Variants in STKLD1 observed in about 807,000 individuals in gnomAD.
STKLD1 encodes the protein serine/threonine kinase-like domain-containing protein STKLD1.
Under a neutral mutation model 80.4 loss-of-function variants are expected in STKLD1, and 79 were observed. The ratio of observed to expected loss-of-function variants is 0.98; its 90% CI spans 0.82 to 1.19. STKLD1 has a LOEUF of 1.19. STKLD1 is among the 50% of genes most tolerant of loss of function. The pLI, the probability that STKLD1 is intolerant of heterozygous loss-of-function variation, is 0.00. For synonymous variants in STKLD1, 393 were observed against 357.6 expected (o/e 1.10, Z -1.12); for missense variants, 841 against 856.0 (o/e 0.98, Z 0.22).
chr9:133,380,235 C>T (rs111403912), intron 2 of STKLD1, among the ~76,000 whole-genome samples: 89 of 152,204 alleles, frequency 5.8e-4, no homozygotes, highest in South Asian at 5.2e-3. Context: ...AGGGTTTCAC[C>T]GTGTTGCCCA....
Position 133,405,693 on chromosome 9 carries a change from G to A in STKLD1, c.*272G>A. On this transcript the variant is annotated 3_prime_UTR_variant, in exon 18 of 18. Transcript: ENST00000371957. ...GCGCGGAAAAAGTGCTCTTGAGGCT[G>A]GAGGCAGCCACCTCTCCCAGCCCAC... 3.2e-6 allele frequency: 1 copy of A among 311,790 alleles called. No homozygotes were observed. Among genetic ancestry groups the A allele is most frequent in the South Asian group, 5.4e-5 (1 of 18,440 alleles). The allele number at this position is 311,790 out of a possible 1,614,324, so 19.3% of individuals were successfully genotyped here.
intron 12 of STKLD1, among the ~76,000 whole-genome samples, chr9:133,401,250 T>C (rs1838699090): frequency 6.6e-6 from 1 of 151,704 alleles, no homozygotes; most frequent in Admixed American, 6.6e-5. Flanking sequence ...GCGATTCTCC[T>C]GCCTCAGCCT....
chr9:133,402,864 T>C lies in STKLD1; in HGVS notation c.1340-14T>C, dbSNP rs370724020. The C allele has an allele frequency of 6.3e-7, 1 of 1,594,204 alleles. No individual in the cohort carries two copies. The highest frequency in any genetic ancestry group is 8.5e-7 in the Non-Finnish European group (1 of 1,170,216). On this transcript the variant is annotated splice_polypyrimidine_tract_variant and intron_variant, in intron 13 of 17. Coordinates refer to ENST00000371957, the MANE Select transcript of STKLD1 (RefSeq NM_153710.5). ...GGGAGGGGCCCTGGGGCCCTCATTC[T>C]GGCTCACCCACAGAGTCAGAGTCAC...
chr9:133,383,822 T>C (rs2130271028), intron 2 of STKLD1, 34 bp from the exon 3 acceptor site: 1 of 1,610,874 alleles, frequency 6.2e-7, no homozygotes, highest in Non-Finnish European at 8.5e-7. Flanking sequence ...ATTTGCTACA[T>C]GTTTATTAAG....
chr9:133,404,325 C>T (rs1210638589), intron 16 of STKLD1, among the ~76,000 whole-genome samples: 1 of 152,200 alleles, frequency 6.6e-6, no homozygotes, highest in African/African-American at 2.4e-5. Context: ...CATGCAGGCA[C>T]ACCGTGACTG....
At position 133,400,453 on chromosome 9, in the gene STKLD1, G is replaced by C; in HGVS notation, c.1122G>C (p.Thr374=). 1 of 1,613,358 alleles carries C rather than the reference G, an allele frequency of 6.2e-7. No individual in the cohort carries two copies. The change falls in exon 12 of 18, where the codon ACG becomes ACC. Residue 374 remains threonine (T), a synonymous_variant. Coordinates refer to ENST00000371957, the MANE Select transcript of STKLD1 (RefSeq NM_153710.5). ...CGGAGCTGGTGGAGGTGGTGGTCAC[G>C]ACCATGGAGCTACATGACAGGGTCC... The part of the protein sequence containing the change: ...WPPELVEVVV[T]TMELHDRVLD...
intron 7 of STKLD1, among the ~76,000 whole-genome samples, chr9:133,392,327 A>G (rs978317865): frequency 6.6e-6 from 1 of 151,930 alleles, no homozygotes; most frequent in Non-Finnish European, 1.5e-5. Flanking sequence ...TTGGCCTCCC[A>G]AAGTGCTGGG....
intron 1 of STKLD1, 117 bp downstream of exon 1, chr9:133,376,677 C>CG (rs1837968334): frequency 2.3e-6 from 2 of 857,020 alleles, no homozygotes; most frequent in Non-Finnish European, 3.5e-6. Flanking sequence ...TGGCCAGTGT[C>CG]GGCCTGCAGC....
chr9:133,379,182 A>G, intron 2 of STKLD1, 60 bp downstream of exon 2: 4 of 1,423,806 alleles, frequency 2.8e-6, no homozygotes, highest in Non-Finnish European at 3.9e-6. Context: ...ATTTTCCCCA[A>G]TACAAGCTCT....
At chr9:133,396,072 TC>T (rs1339300861) in intron 9 of STKLD1, 4 of 210,978 alleles carry the variant, frequency 1.9e-5, no homozygotes, top group Admixed American at 1.1e-4. Flanking sequence ...AAAAAAAAAT[TC>T]CTAAAGACAA....
At chr9:133,399,415 CCCT>C (rs920732722) in intron 11 of STKLD1, among the ~76,000 whole-genome samples, 26 of 152,324 alleles carry the variant, frequency 1.7e-4, no homozygotes, top group African/African-American at 6.0e-4. Flanking sequence ...TCCCTCCCTC[CCCT>C]CCTCCTCTTC....
intron 1 of STKLD1, 46 bp downstream of exon 1, chr9:133,376,606 G>A: frequency 3.3e-6 from 5 of 1,508,378 alleles, no homozygotes; most frequent in Non-Finnish European, 4.5e-6. Flanking sequence ...GTGGGGTAAC[G>A]GTCGCAACCC....
intron 7 of STKLD1, among the ~76,000 whole-genome samples, chr9:133,392,111 C>G (rs947465125): frequency 5.5e-5 from 8 of 146,300 alleles, no homozygotes; most frequent in Admixed American, 1.4e-4. Flanking sequence ...GAGTCTCGCT[C>G]TGTCGCCCAG....
Position 133,403,741 on chromosome 9 carries a change from C to G in STKLD1, c.1516C>G (p.Leu506Val). ...GGCCCCCTTGGAGAAGGTCCCGGAC[C>G]TCATCAGCCAGGTGTTGGCCACCTA... ...NKAPLEKVPDLISQVLATYPA... is the reference protein window; with the variant it reads ...NKAPLEKVPDVISQVLATYPA... Residue 506 changes from leucine to valine, a missense_variant, in exon 15 of 18, where the codon CTC becomes GTC. Leu to Val is a conservative substitution (Grantham distance 32). Coordinates refer to ENST00000371957, the MANE Select transcript of STKLD1 (RefSeq NM_153710.5). 1 of 1,613,846 alleles carries G rather than the reference C, an allele frequency of 6.2e-7. No homozygotes were observed. The highest frequency in any genetic ancestry group is 8.5e-7 in the Non-Finnish European group (1 of 1,179,962).
chr9:133,402,789 A>C, intron 13 of STKLD1, 89 bp from the exon 14 acceptor site: 2 of 1,433,494 alleles, frequency 1.4e-6, no homozygotes, highest in Non-Finnish European at 1.9e-6. Context: ...ATTGCAGGTC[A>C]AATGGGACTG....
At position 133,379,107 on chromosome 9, in the gene STKLD1, G is replaced by A; in HGVS notation, c.159G>A (p.Lys53=). The change falls in exon 2 of 18, where the codon AAG becomes AAA. Residue 53 remains lysine, a synonymous_variant. Transcript: ENST00000371957. ...TGGAGGAAATGGAAACCAAAGTCAAGCATGTGATAAAGCAGGTAAGAGGCC... is the reference window on the plus strand; with the variant it reads ...TGGAGGAAATGGAAACCAAAGTCAAACATGTGATAAAGCAGGTAAGAGGCC... ...LVVEEMETKV[K]HVIKQVECMD... 6.2e-7 allele frequency: 1 copy of A among 1,614,020 alleles called. No individual in the cohort carries two copies. Among genetic ancestry groups the A allele is most frequent in the African/African-American group, 1.3e-5 (1 of 75,046 alleles).
chr9:133,392,534 A>G (rs1357349856), intron 7 of STKLD1, among the ~76,000 whole-genome samples: 1 of 120,420 alleles, frequency 8.3e-6, no homozygotes, highest in African/African-American at 3.2e-5. Flanking sequence ...TGGGTGGGTG[A>G]GTGGATGGAT....
chr9:133,403,994 G>A lies in STKLD1; in HGVS notation c.1678G>A (p.Ala560Thr), dbSNP rs2130691685. ...LQSIRLCQDR[A>T]LLVNNAYRGL... ...AAGCATCCGGCTGTGCCAGGACAGAGCCCTGCTGGTGAACAATGCCTACCG... is the reference window on the plus strand; with the variant it reads ...AAGCATCCGGCTGTGCCAGGACAGAACCCTGCTGGTGAACAATGCCTACCG... Residue 560 changes from alanine to threonine, a missense_variant, in exon 16 of 18, where the codon GCC becomes ACC. Transcript: ENST00000371957. 3 of 1,612,058 alleles carry A rather than the reference G, an allele frequency of 1.9e-6. No individual in the cohort carries two copies. In the South Asian group the frequency reaches 3.3e-5, roughly 18 times the overall value.
rs1333605796 is a variant in STKLD1 at position 133,389,714 on chromosome 9, G to T, written c.467+118G>T. On this transcript the variant is annotated intron_variant, in intron 6 of 17. Transcript: ENST00000371957. The surrounding 1 kb of genome is among the most constrained non-coding windows in gnomAD (Gnocchi z 6.4). ...CTGGGGAGAAAGGTGCACCGGGCCA[G>T]TGCAGCCAGGATAGGATGGGACCTT... 1.3e-6 allele frequency: 2 copies of T among 1,490,772 alleles called. No individual in the cohort carries two copies. The highest frequency in any genetic ancestry group is 1.4e-5 in the African/African-American group (1 of 72,478). 92.3% of individuals were successfully genotyped at this position (1,490,772 alleles called of 1,614,324 possible). A position where few individuals can be genotyped will look rare whatever the true frequency, so the allele number is the denominator to read the frequency against.
Sources: allele counts gnomAD v4.1 joint callset (sites outside exome capture counted in the v4.1 genomes callset), GRCh38; gene constraint gnomAD v4.1.1; non-coding constraint Gnocchi (gnomAD v3.1); transcripts MANE v1.5; gene names NCBI Gene and HGNC (gene_info 2026-07-23, HGNC 2026-07-21).